CD1B: variants seen among roughly 807,000 people sequenced by gnomAD.
CD1B encodes the protein CD1b molecule, also known as T-cell surface glycoprotein CD1b.
CD1B carries 43 observed loss-of-function variants against 39.8 expected under a neutral mutation model. The observed-to-expected ratio is 1.08, with a 90% CI of 0.85 to 1.39. CD1B has a LOEUF of 1.39. Ranked by LOEUF, CD1B falls within the 40% of genes most tolerant of loss-of-function variation. CD1B has a pLI of 0.00. For synonymous variants in CD1B, 192 were observed against 152.5 expected, an observed-to-expected ratio of 1.26 and a Z score of -1.91; for missense variants, 495 against 403.8, an observed-to-expected ratio of 1.23 and a Z score of -1.94.
chr1:158,310,763 T>C, the CD1B span, among the ~76,000 whole-genome samples: 1 of 152,122 alleles, frequency 6.6e-6, no homozygotes, highest in Non-Finnish European at 1.5e-5. Context: ...CACAATGAGA[T>C]ACCATCTCAC....
In CD1B at chr1:158,331,064, T is replaced by A. The variant is rs780249082; in HGVS notation, c.62-2A>T. ...GAAAGGAGGTCGGCCCCTGGAAGGC[T>A]GTGAAGAGTGGAAAAGCAAGATGGT... On this transcript the variant is annotated splice_acceptor_variant, in intron 1 of 5. Transcript: ENST00000368168. LOFTEE classifies it high-confidence loss of function. 6.2e-7 allele frequency: 1 copy of A among 1,600,976 alleles called. No individual in the cohort carries two copies. The highest frequency in any genetic ancestry group is 8.5e-7 in the Non-Finnish European group (1 of 1,175,296).
chr1:158,298,024 T>C, the CD1B span, among the ~76,000 whole-genome samples: 2 of 150,550 alleles, frequency 1.3e-5, no homozygotes, highest in East Asian at 1.9e-4. Flanking sequence ...AGGACACCCA[T>C]AGGCCAAAAC....
At chr1:158,301,549 C>T in the CD1B span, among the ~76,000 whole-genome samples, 1 of 151,954 alleles carries the variant, frequency 6.6e-6, no homozygotes, top group African/African-American at 2.4e-5. Flanking sequence ...ACTTATGATG[C>T]TTAGTTTGGG....
At chr1:158,330,490 G>A in intron 2 of CD1B, 2 of 575,730 alleles carry the variant, frequency 3.5e-6, no homozygotes, top group Non-Finnish European at 3.1e-6. Context: ...CCACACGTTA[G>A]ATCACTCAGG....
At chr1:158,295,999 GCCAC>G in the CD1B span, among the ~76,000 whole-genome samples, 19 of 151,966 alleles carry the variant, frequency 1.3e-4, no homozygotes, top group African/African-American at 4.6e-4. Flanking sequence ...CATGTACCCT[GCCAC>G]ACTACCATCC....
chr1:158,316,246 G>A, the CD1B span, among the ~76,000 whole-genome samples: 4 of 151,982 alleles, frequency 2.6e-5, no homozygotes, highest in Non-Finnish European at 4.4e-5. Flanking sequence ...ATTACCTTGG[G>A]CAGTATGGCC....
the CD1B span, among the ~76,000 whole-genome samples, chr1:158,322,923 A>G: frequency 6.6e-6 from 1 of 152,142 alleles, no homozygotes; most frequent in Admixed American, 6.6e-5. Context: ...CTGCTTTTAG[A>G]ATGCTCTGTT....
intron 2 of CD1B, 43 bp downstream of exon 2, chr1:158,330,753 G>C: frequency 6.3e-7 from 1 of 1,591,064 alleles, no homozygotes; most frequent in Non-Finnish European, 8.6e-7. Flanking sequence ...AGAGAGAAAA[G>C]AGAGTCCTTG....
the CD1B span, chr1:158,291,496 T>C: frequency 8.0e-7 from 1 of 1,252,932 alleles, no homozygotes; most frequent in Non-Finnish European, 1.1e-6. Flanking sequence ...CATTATCCCA[T>C]CCCACCATAA....
chr1:158,329,064 G>C (rs770689342), intron 4 of CD1B, 50 bp from the exon 5 acceptor site: 2 of 1,468,706 alleles, frequency 1.4e-6, no homozygotes, highest in African/African-American at 1.4e-5. Context: ...ACTATACACA[G>C]AATTCCTTGG....
chr1:158,330,064 A>T lies in CD1B; in HGVS notation c.395T>A (p.Leu132Gln). The change falls in exon 3 of 6, where the codon CTG becomes CAG. Residue 132 changes from leucine to glutamine, a missense_variant. By Grantham distance (113) the Leu-to-Gln change is moderately radical. Transcript: ENST00000368168. ...ATCCAATCCTCCTAGAGCTCCCCTC[A>T]GGAAGCTTACTATGGCACCTCCAGA... The part of the protein sequence containing the change: ...LHSGGAIVSF[L>Q]RGALGGLDFL... 3.1e-6 allele frequency: 5 copies of T among 1,613,972 alleles called. No individual in the cohort carries two copies. Among genetic ancestry groups the T allele is most frequent in the Non-Finnish European group, 4.2e-6 (5 of 1,179,864 alleles).
the CD1B span, among the ~76,000 whole-genome samples, chr1:158,318,944 T>A: frequency 2.0e-5 from 3 of 152,136 alleles, no homozygotes; most frequent in African/African-American, 7.2e-5. Context: ...GCTGGATATT[T>A]AATTCTGGGT....
At chr1:158,299,144 G>C in the CD1B span, among the ~76,000 whole-genome samples, 1 of 152,156 alleles carries the variant, frequency 6.6e-6, no homozygotes, top group African/African-American at 2.4e-5. Context: ...GATATTGGCT[G>C]TGGGTTTGTC....
At chr1:158,331,226 C>A in intron 1 of CD1B, 137 bp downstream of exon 1, 1 of 1,082,616 alleles carries the variant, frequency 9.2e-7, no homozygotes. Context: ...CTAGTCCCAA[C>A]CACCAGAATG....
chr1:158,306,499 C>CA, the CD1B span, among the ~76,000 whole-genome samples: 1 of 152,196 alleles, frequency 6.6e-6, no homozygotes, highest in South Asian at 2.1e-4. Context: ...TAACACCCCA[C>CA]TGTCAACATT....
the CD1B span, among the ~76,000 whole-genome samples, chr1:158,320,400 G>A: frequency 7.9e-5 from 12 of 152,274 alleles, no homozygotes; most frequent in East Asian, 1.9e-4. Flanking sequence ...CGCAGTATTC[G>A]GGTGGGAGTG....
chr1:158,320,290 C>T, the CD1B span, among the ~76,000 whole-genome samples: 45 of 152,284 alleles, frequency 3.0e-4, no homozygotes, highest in Middle Eastern at 3.4e-3. Flanking sequence ...TCTCAGACTG[C>T]GGTGCTAGCA....
At chr1:158,309,566 G>A in the CD1B span, among the ~76,000 whole-genome samples, 1 of 152,098 alleles carries the variant, frequency 6.6e-6, no homozygotes, top group Non-Finnish European at 1.5e-5. Context: ...CAATAGCAAA[G>A]ACTTGGAACC....
chr1:158,325,448 T>C (rs1652316090), downstream of CD1B, among the ~76,000 whole-genome samples: 1 of 152,280 alleles, frequency 6.6e-6, no homozygotes, highest in East Asian at 1.9e-4. Flanking sequence ...ACTAAATAAA[T>C]AAATAAATAG....
Sources: gnomAD v4.1 joint callset for allele counts (sites outside exome capture counted in the v4.1 genomes callset) on GRCh38, gnomAD v4.1.1 for gene constraint, MANE v1.5 for transcripts, NCBI Gene and HGNC (gene_info 2026-07-23, HGNC 2026-07-21) for gene names.